Variants in ABCA8 observed in about 807,000 individuals in gnomAD.
The protein encoded by ABCA8 is ABC-type organic anion transporter ABCA8.
A neutral mutation model predicts 192.3 loss-of-function variants in ABCA8; 177 were observed. The ratio of observed to expected loss-of-function variants is 0.92; its 90% CI spans 0.81 to 1.04. The LOEUF is 1.04. Among genes scored for constraint, ABCA8 ranks in the 50% least tolerant of loss-of-function variants. ABCA8 has a pLI of 0.00. For synonymous variants in ABCA8, 642 were observed against 690.2 expected, an observed-to-expected ratio of 0.93 and a Z score of 1.09; for missense variants, 1,915 against 1,904.8, an observed-to-expected ratio of 1.01 and a Z score of -0.10.
chr17:68,933,344 T>C (rs2067964608), intron 5 of ABCA8, 73 bp from the exon 6 acceptor site: 2 of 986,624 alleles, frequency 2.0e-6, no homozygotes, highest in African/African-American at 3.3e-5. Context: ...TTAATACTGA[T>C]TATAGCAAAC....
In ABCA8 at chr17:68,902,818, A is replaced by T; in HGVS notation, c.2659T>A (p.Tyr887Asn). 1 of 1,613,940 alleles carries T rather than the reference A, an allele frequency of 6.2e-7. No individual in the cohort carries two copies. Among genetic ancestry groups the T allele is most frequent in the Non-Finnish European group, 8.5e-7 (1 of 1,179,852 alleles). ...AGTTCCCAGGTGTAACTGTTTTGAT[A>T]TATTTTCACCATGGTATACTCCACA... ...LLVEYTMVKI[Y>N]QNSYTWELSP... is the part of the protein sequence containing the mutation. The change falls in exon 21 of 40, where the codon TAT becomes AAT. Residue 887 changes from tyrosine to asparagine, a missense_variant. By Grantham distance (143) the Tyr-to-Asn change is moderately radical. Transcript: ENST00000586539.
At chr17:68,925,774 T>C (rs762417863) in intron 10 of ABCA8, among the ~76,000 whole-genome samples, 2 of 152,200 alleles carry the variant, frequency 1.3e-5, no homozygotes, top group Non-Finnish European at 2.9e-5. Context: ...CATAACTGGA[T>C]ACCTTCTGCC....
At chr17:68,933,989 A>G (rs1447278383) in intron 5 of ABCA8, among the ~76,000 whole-genome samples, 1 of 152,108 alleles carries the variant, frequency 6.6e-6, no homozygotes, top group Non-Finnish European at 1.5e-5. Flanking sequence ...TACAATTAGA[A>G]TCTCTTGTGC....
At chr17:68,944,635 C>T (rs1198582359) in intron 2 of ABCA8, 1 of 151,822 alleles carries the variant, frequency 6.6e-6, no homozygotes, top group Admixed American at 6.6e-5. Flanking sequence ...ATTTCTGCTG[C>T]TAAGTTATGG....
Position 68,932,333 on chromosome 17 carries a change from A to G in ABCA8, c.752T>C (p.Met251Thr). ...ACCCATCATTGTCATCAAGGCCTTC[A>G]TCCTTTTCCTCTCTCTTGTGACATT... ...SVNVTRERKRMKALMTMMGLR... is the reference protein window; with the variant it reads ...SVNVTRERKRTKALMTMMGLR... Residue 251 changes from methionine (M) to threonine (T), a missense_variant, in exon 7 of 40, where the codon ATG becomes ACG. Transcript: ENST00000586539. The G allele has an allele frequency of 2.5e-6, 4 of 1,614,136 alleles. No individual in the cohort carries two copies. Among genetic ancestry groups the G allele is most frequent in the Non-Finnish European group, 3.4e-6 (4 of 1,179,992 alleles).
chr17:68,939,833 A>G (rs756339732), intron 4 of ABCA8, among the ~76,000 whole-genome samples: 1 of 152,164 alleles, frequency 6.6e-6, no homozygotes, highest in African/African-American at 2.4e-5. Context: ...ATCATTGTTA[A>G]CTAGTCACCC....
intron 4 of ABCA8, 55 bp from the exon 5 acceptor site, chr17:68,937,170 C>T (rs2068091218): frequency 2.1e-6 from 3 of 1,417,618 alleles, no homozygotes; most frequent in Middle Eastern, 2.4e-4. Context: ...GACACAACTT[C>T]AGGATGTCAT....
At chr17:68,953,581 G>A (rs950734670) in intron 1 of ABCA8, among the ~76,000 whole-genome samples, 1 of 152,164 alleles carries the variant, frequency 6.6e-6, no homozygotes, top group African/African-American at 2.4e-5. Flanking sequence ...GGCCTAAGTG[G>A]AAGCAGACCA....
rs1174314083 is a variant in ABCA8 at position 68,867,851 on chromosome 17, G to T, written c.*234C>A. The T allele has an allele frequency of 4.7e-6, 2 of 421,682 alleles. No individual in the cohort carries two copies. Among genetic ancestry groups the T allele is most frequent in the Non-Finnish European group, 8.4e-6 (2 of 238,136 alleles). The allele number at this position is 421,682 out of a possible 1,614,324, so 26.1% of individuals were successfully genotyped here. A position where few individuals can be genotyped will look rare whatever the true frequency, so the allele number is the denominator to read the frequency against. ...TTTATTCAGTATTATACAGAACAAT[G>T]GAACCAGTATGGCCTGCAGAGATAC... On this transcript the variant is annotated 3_prime_UTR_variant, in exon 40 of 40. Coordinates refer to ENST00000586539, the MANE Select transcript of ABCA8 (RefSeq NM_001288985.2).
chr17:68,924,923 A>G (rs2067656159), intron 10 of ABCA8, 54 bp from the exon 11 acceptor site: 1 of 1,572,986 alleles, frequency 6.4e-7, no homozygotes, highest in Non-Finnish European at 8.6e-7. Flanking sequence ...TTAGGGAGAG[A>G]GAGTCACAGT....
Position 68,940,896 on chromosome 17 carries a change from C to A in ABCA8, c.163G>T (p.Asp55Tyr), listed in dbSNP as rs758380702. The A allele has an allele frequency of 1.2e-6, 2 of 1,612,724 alleles. No homozygotes were observed. The highest frequency in any genetic ancestry group is 1.7e-6 in the Non-Finnish European group (2 of 1,179,000). Reference sequence around the variant, plus strand: ...TCCATGGTAAGCAGTGAAGAAAAATCATTTACTTGATGACTATGAGGATAT... The same window carrying A: ...TCCATGGTAAGCAGTGAAGAAAAATAATTTACTTGATGACTATGAGGATAT... ...YIYPHSHQVN[D>Y]FSSLLTMDLG... The change falls in exon 4 of 40, where the codon GAT becomes TAT. Residue 55 changes from aspartate (D) to tyrosine (Y), a missense_variant. Transcript: ENST00000586539.
rs1365443017 is a variant in ABCA8, at chr17:68,877,611, C to T, written c.4107G>A (p.Ala1369=). 3.7e-6 allele frequency: 6 copies of T among 1,614,006 alleles called. No homozygotes were observed. Among genetic ancestry groups the T allele is most frequent in the African/African-American group, 2.7e-5 (2 of 74,926 alleles). The change falls in exon 33 of 40, where the codon GCG becomes GCA. Residue 1369 remains alanine (A), a synonymous_variant. Coordinates refer to ENST00000586539, the MANE Select transcript of ABCA8 (RefSeq NM_001288985.2). ...EFLGYCPQEN[A]LWPNLTVRQH... is the part of the protein sequence containing the mutation. ...GCCTCACTGTCAGGTTGGGCCACAG[C>T]GCGTTCTCCTGAGGGCAGTACCCCA... is the stretch of plus-strand genomic sequence containing the variant.
intron 16 of ABCA8, among the ~76,000 whole-genome samples, chr17:68,917,844 G>A (rs1293121075): frequency 6.6e-6 from 1 of 152,134 alleles, no homozygotes. Flanking sequence ...ATGCTTCTAT[G>A]TGACCAAATT....
intron 11 of ABCA8, among the ~76,000 whole-genome samples, chr17:68,923,562 T>C (rs931546742): frequency 4.6e-5 from 7 of 152,158 alleles, no homozygotes; most frequent in Non-Finnish European, 7.3e-5. Flanking sequence ...ACAGCACTTA[T>C]AATTGGGCAA....
At chr17:68,928,186 G>A (rs574124841) in intron 9 of ABCA8, 123 bp from the exon 10 acceptor site, 10 of 717,222 alleles carry the variant, frequency 1.4e-5, no homozygotes, top group Non-Finnish European at 2.1e-5. Flanking sequence ...GTTATATAGG[G>A]AGACTGCCTC....
At position 68,942,011 on chromosome 17, in the gene ABCA8, C is replaced by T; in HGVS notation, c.24G>A (p.Val8=). The change falls in exon 3 of 40, where the codon GTG becomes GTA. Residue 8 remains valine (V), a synonymous_variant. Coordinates refer to ENST00000586539, the MANE Select transcript of ABCA8 (RefSeq NM_001288985.2). ...ATAATAAGGCCCAAGTTTGTTGACA[C>T]ACACTGATCTTTCTCTTCCTCATCT... MRKRKIS[V]CQQTWALLCK... 6.2e-7 allele frequency: 1 copy of T among 1,612,568 alleles called. No homozygotes were observed.
At chr17:68,943,181 C>T (rs578079221) in intron 2 of ABCA8, among the ~76,000 whole-genome samples, 1 of 152,184 alleles carries the variant, frequency 6.6e-6, no homozygotes, top group African/African-American at 2.4e-5. Flanking sequence ...ATAGGATAAT[C>T]ACCATAGTTT....
intron 32 of ABCA8, chr17:68,879,799 C>G (rs577676966): frequency 6.5e-6 from 1 of 152,684 alleles, no homozygotes; most frequent in South Asian, 2.1e-4. Flanking sequence ...ACTGCCATGC[C>G]AGCCTCCTGC....
intron 17 of ABCA8, among the ~76,000 whole-genome samples, chr17:68,913,210 G>T (rs2067267251): frequency 6.6e-6 from 1 of 152,014 alleles, no homozygotes; most frequent in Non-Finnish European, 1.5e-5. Context: ...AATGAAAATG[G>T]AAACACAACA....
Sources: allele counts gnomAD v4.1 joint callset (sites outside exome capture counted in the v4.1 genomes callset), GRCh38; gene constraint gnomAD v4.1.1; transcripts MANE v1.5; gene names NCBI Gene and HGNC (gene_info 2026-07-23, HGNC 2026-07-21).